SSBP2: variants seen among roughly 807,000 people sequenced by gnomAD.
The protein encoded by SSBP2 is single stranded DNA binding protein 2.
A neutral mutation model predicts 61.8 loss-of-function variants in SSBP2; 17 were observed. The observed-to-expected ratio is 0.28, with a 90% CI of 0.19 to 0.41. The LOEUF is 0.41. SSBP2 is among the 10% of genes least tolerant of loss of function. The probability of loss-of-function intolerance (pLI) is 1.00; values close to 1 mark genes in which losing one functional copy is unlikely to be tolerated. For missense variants in SSBP2, 310 were observed against 458.7 expected (o/e 0.68, Z 2.96); for synonymous variants, 139 against 141.3 (o/e 0.98, Z 0.12).
At chr5:81,453,745 T>G (rs545526253) in intron 10 of SSBP2, among the ~76,000 whole-genome samples, 1 of 152,320 alleles carries the variant, frequency 6.6e-6, no homozygotes, top group South Asian at 2.1e-4. Context: ...CGTGAGCCAC[T>G]GTGCCTGGCC....
chr5:81,662,129 T>C (rs1196224390), intron 1 of SSBP2, among the ~76,000 whole-genome samples: 1 of 152,164 alleles, frequency 6.6e-6, no homozygotes, highest in African/African-American at 2.4e-5. Context: ...ATCTATGAAT[T>C]TTAAAATCTG....
chr5:81,746,817 G>A (rs1386743356), intron 1 of SSBP2, among the ~76,000 whole-genome samples: 3 of 152,008 alleles, frequency 2.0e-5, no homozygotes, highest in Non-Finnish European at 4.4e-5. Context: ...TTGCTTTCTA[G>A]CAGATTCATC....
In SSBP2 at chr5:81,751,025, C is replaced by T. The variant is rs780491856; in HGVS notation, c.18G>A (p.Lys6=). Reference sequence around the variant, plus strand: ...CGGACGGGACGGCGCTGCTGTTACTCTTGCCTTTGCCGTACATGCTTGTGC... The same window carrying T: ...CGGACGGGACGGCGCTGCTGTTACTTTTGCCTTTGCCGTACATGCTTGTGC... Residue 6 remains lysine, a synonymous_variant, in exon 1 of 17, where the codon AAG becomes AAA. Coordinates refer to ENST00000320672, the MANE Select transcript of SSBP2 (RefSeq NM_012446.5). 5 of 1,599,164 alleles carry T rather than the reference C, an allele frequency of 3.1e-6. No individual in the cohort carries two copies. In the South Asian group the frequency reaches 3.4e-5, roughly 11 times the overall value.
rs550208775 is a variant in SSBP2 at position 81,425,136 on chromosome 5, A to AT, written c.1056+3448dup. 3.0e-4 allele frequency among the ~76,000 whole-genome samples: 46 copies of AT among 152,206 alleles called. 1 individual carries two copies. The highest frequency in any genetic ancestry group is 6.8e-3 in the Middle Eastern group (2 of 294). ...TAGCACGCCTTGCTATGAACTTGTGATTTTTTCCTTATTATGCCCAGTTCA... is the reference window on the plus strand; with the variant it reads ...TAGCACGCCTTGCTATGAACTTGTGATTTTTTTCCTTATTATGCCCAGTTCA... On this transcript the variant is annotated intron_variant, in intron 16 of 16. Transcript: ENST00000320672.
chr5:81,615,580 A>T (rs1745931416), intron 3 of SSBP2, 23 bp from the exon 4 acceptor site: 13 of 1,501,856 alleles, frequency 8.7e-6, no homozygotes, highest in Non-Finnish European at 1.2e-5. Context: ...TCATGGTAAC[A>T]TTAAGAAAAT....
At chr5:81,685,331 T>C (rs1216513246) in intron 1 of SSBP2, among the ~76,000 whole-genome samples, 1 of 152,192 alleles carries the variant, frequency 6.6e-6, no homozygotes, top group Non-Finnish European at 1.5e-5. Context: ...TCAAAACTGA[T>C]AGGATATATA....
At chr5:81,710,564 T>A (rs939334422) in intron 1 of SSBP2, 8 of 377,242 alleles carry the variant, frequency 2.1e-5, no homozygotes, top group African/African-American at 1.7e-4. Flanking sequence ...GAGGGGCTGA[T>A]AGGTAGAAAT....
rs1173832178 is a variant in SSBP2, at chr5:81,488,044, TATATATATATATATAA to T, written c.432+1190_432+1205del. On this transcript the variant is annotated intron_variant, in intron 6 of 16. Coordinates refer to ENST00000320672, the MANE Select transcript of SSBP2 (RefSeq NM_012446.5). ...ATATATATATATATATATATATATA[TATATATATATATATAA>T]ATAAAATATCATATATTATATATAT... 4.4e-4 allele frequency among the ~76,000 whole-genome samples: 28 copies of T among 63,598 alleles called. 1 individual carries two copies. In the South Asian group the frequency reaches 0.011, roughly 25 times the overall value. The allele number at this position is 63,598 out of a possible 152,430, so 41.7% of individuals were successfully genotyped here.
intron 3 of SSBP2, among the ~76,000 whole-genome samples, chr5:81,624,831 A>T (rs1293556586): frequency 3.9e-5 from 6 of 152,308 alleles, no homozygotes; most frequent in Middle Eastern, 3.4e-3. Flanking sequence ...ACCTTCATGA[A>T]TAAAAAATTT....
intron 4 of SSBP2, among the ~76,000 whole-genome samples, chr5:81,593,055 G>C (rs1323019957): frequency 1.3e-5 from 2 of 152,142 alleles, no homozygotes; most frequent in Non-Finnish European, 2.9e-5. Context: ...GCTACAGGAG[G>C]AAATCTGAAC....
At chr5:81,517,677 A>T (rs1769139637) in intron 4 of SSBP2, among the ~76,000 whole-genome samples, 1 of 151,944 alleles carries the variant, frequency 6.6e-6, no homozygotes, top group South Asian at 2.1e-4. Context: ...CAATATGTTT[A>T]TGTTATTTAT....
chr5:81,435,225 G>A (rs1021062444), intron 15 of SSBP2, among the ~76,000 whole-genome samples: 4 of 152,166 alleles, frequency 2.6e-5, no homozygotes, highest in Middle Eastern at 3.4e-3. Flanking sequence ...TATCCAATTC[G>A]TTTGATCTCC....
chr5:81,591,677 C>G (rs961788854), intron 4 of SSBP2, among the ~76,000 whole-genome samples: 1 of 151,820 alleles, frequency 6.6e-6, no homozygotes, highest in African/African-American at 2.4e-5. Flanking sequence ...GTAAACTCAA[C>G]ACAGTGAGGA....
At chr5:81,574,667 A>G (rs1252751668) in intron 4 of SSBP2, among the ~76,000 whole-genome samples, 1 of 152,066 alleles carries the variant, frequency 6.6e-6, no homozygotes, top group African/African-American at 2.4e-5. Context: ...AACCAAAGGG[A>G]AAAAAACCCC....
intron 6 of SSBP2, among the ~76,000 whole-genome samples, chr5:81,481,514 A>T (rs1255712212): frequency 6.6e-6 from 1 of 151,468 alleles, no homozygotes; most frequent in Non-Finnish European, 1.5e-5. Flanking sequence ...CCAGCTACTC[A>T]GGAGGCTGAG....
At chr5:81,588,671 T>G (rs1434433459) in intron 4 of SSBP2, among the ~76,000 whole-genome samples, 1 of 152,148 alleles carries the variant, frequency 6.6e-6, no homozygotes, top group Non-Finnish European at 1.5e-5. Flanking sequence ...TAAATACTTG[T>G]TCATCAAACT....
At chr5:81,437,706 T>C (rs1023918072) in intron 14 of SSBP2, 1 of 289,016 alleles carries the variant, frequency 3.5e-6, no homozygotes, top group African/African-American at 2.2e-5. Context: ...TGAAGAAAAC[T>C]GTTGTTATCA....
intron 16 of SSBP2, among the ~76,000 whole-genome samples, chr5:81,424,428 A>AATAC: frequency 6.6e-6 from 1 of 150,514 alleles, no homozygotes. Context: ...TAGTCTCAAA[A>AATAC]ATACATAAAT....
At chr5:81,490,173 G>A (rs1766747794) in intron 5 of SSBP2, among the ~76,000 whole-genome samples, 1 of 152,016 alleles carries the variant, frequency 6.6e-6, no homozygotes. Context: ...TATGTTGCTG[G>A]ATGAGTCAGA....
Sources: gnomAD v4.1 joint callset for allele counts (sites outside exome capture counted in the v4.1 genomes callset) on GRCh38, gnomAD v4.1.1 for gene constraint, MANE v1.5 for transcripts, NCBI Gene and HGNC (gene_info 2026-07-23, HGNC 2026-07-21) for gene names.